Variants in SLC9C1 observed in about 807,000 individuals in gnomAD.
SLC9C1 encodes the protein sodium/hydrogen exchanger 10.
In SLC9C1, 97 loss-of-function variants were observed where a neutral mutation model predicts 140.9. The observed-to-expected ratio is 0.69, with a 90% CI of 0.58 to 0.82. SLC9C1 has a LOEUF of 0.82. Among genes scored for constraint, SLC9C1 ranks in the 40% least tolerant of loss-of-function variants. The pLI is 0.00. For missense variants in SLC9C1, 1,340 were observed against 1,389.3 expected (o/e 0.96, Z 0.56); for synonymous variants, 440 against 442.6 (o/e 0.99, Z 0.07).
chr3:112,197,274 G>T (rs2077791149), intron 20 of SLC9C1, among the ~76,000 whole-genome samples: 1 of 152,154 alleles, frequency 6.6e-6, no homozygotes, highest in South Asian at 2.1e-4. Flanking sequence ...GTTAAAAAAA[G>T]TGTTGGCCCT....
intron 20 of SLC9C1, among the ~76,000 whole-genome samples, chr3:112,193,291 G>T (rs2077702105): frequency 6.6e-6 from 1 of 152,238 alleles, no homozygotes; most frequent in African/African-American, 2.4e-5. Flanking sequence ...ACTCTGGCCA[G>T]GGGCATGGGC....
intron 28 of SLC9C1, among the ~76,000 whole-genome samples, chr3:112,147,882 C>T (rs994217708): frequency 1.3e-5 from 2 of 152,084 alleles, no homozygotes; most frequent in Non-Finnish European, 2.9e-5. Flanking sequence ...TGACTTTTCT[C>T]CTTCTCTAGG....
intron 7 of SLC9C1, among the ~76,000 whole-genome samples, chr3:112,267,596 A>AAAAG (rs2079958320): frequency 7.2e-6 from 1 of 138,744 alleles, no homozygotes; most frequent in Non-Finnish European, 1.5e-5. Flanking sequence ...AAAAAAAAAA[A>AAAAG]AGAGAGAGAG....
At chr3:112,185,532 G>A in intron 20 of SLC9C1, 1 of 1,613,116 alleles carries the variant, frequency 6.2e-7, no homozygotes, top group Non-Finnish European at 8.5e-7. Context: ...TTGCACAGGG[G>A]CCCCGTCAGG....
chr3:112,178,406 G>A (rs1364648834), intron 23 of SLC9C1, among the ~76,000 whole-genome samples: 2 of 152,094 alleles, frequency 1.3e-5, no homozygotes, highest in African/African-American at 4.8e-5. Context: ...GGGATTACAG[G>A]TATAAGCCAC....
intron 25 of SLC9C1, among the ~76,000 whole-genome samples, chr3:112,168,486 C>A (rs1458488712): frequency 6.6e-6 from 1 of 152,164 alleles, no homozygotes; most frequent in Non-Finnish European, 1.5e-5. Flanking sequence ...ACTACTAATA[C>A]TCAATTCAGC....
chr3:112,240,277 A>C (rs2079105869), intron 11 of SLC9C1, among the ~76,000 whole-genome samples: 1 of 152,200 alleles, frequency 6.6e-6, no homozygotes, highest in Non-Finnish European at 1.5e-5. Context: ...TCATGCATTA[A>C]GTTTTTGGTT....
At chr3:112,253,079 A>G (rs755491175) in intron 10 of SLC9C1, among the ~76,000 whole-genome samples, 1 of 152,076 alleles carries the variant, frequency 6.6e-6, no homozygotes, top group African/African-American at 2.4e-5. Context: ...AAGTAACCAG[A>G]CTGTTATGTG....
At chr3:112,293,186 C>G (rs1413050629) in intron 1 of SLC9C1, among the ~76,000 whole-genome samples, 1 of 150,898 alleles carries the variant, frequency 6.6e-6, no homozygotes, top group Non-Finnish European at 1.5e-5. Flanking sequence ...GAGGCTGAGA[C>G]AGGAGAATCA....
intron 10 of SLC9C1, among the ~76,000 whole-genome samples, chr3:112,248,826 TTA>T (rs2079366646): frequency 1.3e-5 from 2 of 152,188 alleles, no homozygotes; most frequent in Admixed American, 1.3e-4. Context: ...CTCTATCCGA[TTA>T]AAGTAGTTTT....
At chr3:112,244,861 TG>T (rs1183900934) in intron 10 of SLC9C1, among the ~76,000 whole-genome samples, 4 of 152,202 alleles carry the variant, frequency 2.6e-5, no homozygotes, top group Non-Finnish European at 4.4e-5. Flanking sequence ...TTTAAGATAT[TG>T]GTACTCAGGA....
At chr3:112,163,122 C>T (rs2075357284) in intron 26 of SLC9C1, among the ~76,000 whole-genome samples, 2 of 134,406 alleles carry the variant, frequency 1.5e-5, no homozygotes, top group African/African-American at 2.8e-5. Flanking sequence ...GTGATATCCC[C>T]TTTATCATTT....
chr3:112,231,267 A>G (rs901944645), intron 13 of SLC9C1, 94 bp downstream of exon 13: 2 of 1,462,850 alleles, frequency 1.4e-6, no homozygotes, highest in Non-Finnish European at 1.9e-6. Context: ...TAAACAATCT[A>G]TTAAGTGAGC....
chr3:112,212,411 C>T (rs1054842375), intron 15 of SLC9C1, among the ~76,000 whole-genome samples: 6 of 152,056 alleles, frequency 3.9e-5, no homozygotes, highest in Non-Finnish European at 7.4e-5. Context: ...CTTCTCCGAG[C>T]TAAAGGAGGA....
At chr3:112,163,749 T>C (rs2075378162) in intron 26 of SLC9C1, among the ~76,000 whole-genome samples, 1 of 152,192 alleles carries the variant, frequency 6.6e-6, no homozygotes, top group South Asian at 2.1e-4. Flanking sequence ...GTATATTCTG[T>C]TGATTTGGGG....
At position 112,294,171 on chromosome 3, in the gene SLC9C1, G is replaced by T. The variant is rs2080769411; in HGVS notation, c.-166C>A. The T allele has an allele frequency of 6.6e-6, 1 of 152,346 alleles. No homozygotes were observed. The highest frequency in any genetic ancestry group is 2.4e-5 in the African/African-American group (1 of 41,442). 9.4% of individuals were successfully genotyped at this position (152,346 alleles called of 1,614,324 possible). A position where few individuals can be genotyped will look rare whatever the true frequency, so the allele number is the denominator to read the frequency against. On this transcript the variant is annotated 5_prime_UTR_variant, in exon 1 of 29. It adds an upstream start codon to the 5' untranslated region. Coordinates refer to ENST00000305815, the MANE Select transcript of SLC9C1 (RefSeq NM_183061.3). ...CAGCTATTTCGCTCACAGCCAAACAGCCCAGACCAACTGCAACCTCACTGA... is the reference window on the plus strand; with the variant it reads ...CAGCTATTTCGCTCACAGCCAAACATCCCAGACCAACTGCAACCTCACTGA...
intron 1 of SLC9C1, among the ~76,000 whole-genome samples, chr3:112,289,633 G>T (rs563111222): frequency 3.7e-4 from 56 of 152,282 alleles, no homozygotes; most frequent in African/African-American, 1.3e-3. Flanking sequence ...CAACATTGGC[G>T]CAGCTGTGAG....
At chr3:112,180,338 A>C (rs945654150) in intron 22 of SLC9C1, among the ~76,000 whole-genome samples, 1 of 152,144 alleles carries the variant, frequency 6.6e-6, no homozygotes, top group Non-Finnish European at 1.5e-5. Context: ...CCTGGCTAAC[A>C]CGGTGAAACC....
At chr3:112,230,657 G>A (rs1385741734) in intron 13 of SLC9C1, among the ~76,000 whole-genome samples, 1 of 152,182 alleles carries the variant, frequency 6.6e-6, no homozygotes, top group Non-Finnish European at 1.5e-5. Flanking sequence ...AGCAGGTAGA[G>A]TGATTGGAAT....
Sources: allele counts gnomAD v4.1 joint callset (sites outside exome capture counted in the v4.1 genomes callset), GRCh38; gene constraint gnomAD v4.1.1; transcripts MANE v1.5; gene names NCBI Gene and HGNC (gene_info 2026-07-23, HGNC 2026-07-21).